GSAP: variants seen among roughly 807,000 people sequenced by gnomAD.
GSAP encodes the protein gamma-secretase-activating protein.
A neutral mutation model predicts 131.7 loss-of-function variants in GSAP; 118 were observed. The observed-to-expected ratio is 0.90, with a 90% CI of 0.77 to 1.04. GSAP has a LOEUF of 1.04. GSAP is among the 50% of genes least tolerant of loss of function. The probability of loss-of-function intolerance (pLI) is 0.00; values close to 1 mark genes in which losing one functional copy is unlikely to be tolerated. For synonymous variants in GSAP, 381 were observed against 363.4 expected (o/e 1.05, Z -0.55); for missense variants, 1,019 against 1,013.2 (o/e 1.01, Z -0.08).
intron 19 of GSAP, among the ~76,000 whole-genome samples, chr7:77,340,784 C>A (rs1429830447): frequency 2.6e-5 from 4 of 152,148 alleles, no homozygotes; most frequent in African/African-American, 9.7e-5. Flanking sequence ...ACCCACATTC[C>A]CTTGGTGGCA....
At chr7:77,367,795 C>G (rs113310756) in intron 12 of GSAP, among the ~76,000 whole-genome samples, 1 of 152,108 alleles carries the variant, frequency 6.6e-6, no homozygotes, top group Non-Finnish European at 1.5e-5. Flanking sequence ...TTTCTTTGTA[C>G]GTCTGGTAGA....
At chr7:77,351,814 C>G in intron 18 of GSAP, 3 of 643,658 alleles carry the variant, frequency 4.7e-6, no homozygotes, top group Non-Finnish European at 5.8e-6. Flanking sequence ...CTCCTGGACA[C>G]TTTGAACACA....
rs1403161886 is a variant in GSAP at position 77,328,441 on chromosome 7, TGGGAA to T, written c.1765+160_1765+164del. 4 of 1,349,794 alleles carry T rather than the reference TGGGAA, an allele frequency of 3.0e-6. No individual in the cohort carries two copies. The East Asian group carries it at 8.4e-5, about 28-fold the overall frequency. The allele number at this position is 1,349,794 out of a possible 1,614,324, so 83.6% of individuals were successfully genotyped here. A position where few individuals can be genotyped will look rare whatever the true frequency, so the allele number is the denominator to read the frequency against. On this transcript the variant is annotated intron_variant, in intron 22 of 30. Coordinates refer to ENST00000257626, the MANE Select transcript of GSAP (RefSeq NM_017439.4). ...GGAGGTCCTGGTGCCTAGACAGACATGGGAAGAGCCGTGCGGCCACTCTAACAGCA... is the reference window on the plus strand; with the variant it reads ...GGAGGTCCTGGTGCCTAGACAGACATGAGCCGTGCGGCCACTCTAACAGCA...
chr7:77,340,699 G>A (rs568942498), intron 19 of GSAP, among the ~76,000 whole-genome samples: 55 of 152,276 alleles, frequency 3.6e-4, no homozygotes, highest in Middle Eastern at 3.4e-3. Context: ...TAATCGCTGC[G>A]GGGACGCCTG....
chr7:77,376,775 C>CAAAAA (rs10649095), intron 10 of GSAP, 73 bp downstream of exon 10: 131 of 453,454 alleles, frequency 2.9e-4, no homozygotes, highest in African/African-American at 1.7e-3. Context: ...GACTCCATCT[C>CAAAAA]AAAAAAAAAA....
intron 1 of GSAP, among the ~76,000 whole-genome samples, 187 bp downstream of exon 1, chr7:77,416,026 A>G (rs1005409195): frequency 6.6e-6 from 1 of 152,132 alleles, no homozygotes; most frequent in Non-Finnish European, 1.5e-5. Flanking sequence ...CTGCCCCCAG[A>G]CCTTCCGCCG....
At chr7:77,320,926 TG>T (rs763317337) in intron 25 of GSAP, 107 bp from the exon 26 acceptor site, 119 of 703,356 alleles carry the variant, frequency 1.7e-4, no homozygotes, top group Non-Finnish European at 2.7e-4. Context: ...ATGCTAATCA[TG>T]AAATGCTATG....
At chr7:77,368,356 T>C (rs182889821) in intron 12 of GSAP, among the ~76,000 whole-genome samples, 1 of 152,344 alleles carries the variant, frequency 6.6e-6, no homozygotes, top group Admixed American at 6.5e-5. Context: ...CATTAGCTGC[T>C]TCTAATCAGC....
rs553701509 is a variant in GSAP, at chr7:77,336,051, G to C, written c.1546-5684C>G. On this transcript the variant is annotated intron_variant, in intron 19 of 30. Transcript: ENST00000257626. ...GAACTCCTGAGGCTGCCCACTTAGG[G>C]AAACGCATGCTGCAATTTCAAGGTC... Among the ~76,000 whole-genome samples the C allele has an allele frequency of 3.9e-5, 6 of 152,348 alleles. No individual in the cohort carries two copies. The South Asian group carries it at 8.3e-4, about 21-fold the overall frequency.
At chr7:77,411,691 C>T (rs941616181) in intron 1 of GSAP, among the ~76,000 whole-genome samples, 6 of 152,134 alleles carry the variant, frequency 3.9e-5, no homozygotes, top group Non-Finnish European at 8.8e-5. Flanking sequence ...CAATTCTCCC[C>T]AAGCTGATCT....
intron 14 of GSAP, 126 bp from the exon 15 acceptor site, chr7:77,355,773 T>A: frequency 1.9e-6 from 1 of 518,738 alleles, no homozygotes; most frequent in Non-Finnish European, 3.4e-6. Context: ...TAATAAGCTA[T>A]CTAATGACAG....
chr7:77,362,945 T>A (rs937838245), intron 12 of GSAP, among the ~76,000 whole-genome samples: 3 of 152,176 alleles, frequency 2.0e-5, no homozygotes, highest in East Asian at 1.9e-4. Context: ...TTCTAGACAG[T>A]TTCCAAAGCT....
intron 9 of GSAP, 140 bp from the exon 10 acceptor site, chr7:77,377,047 T>A: frequency 1.5e-6 from 1 of 668,746 alleles, no homozygotes; most frequent in South Asian, 2.1e-5. Flanking sequence ...CAAAATCAAA[T>A]TGTTCTTATA....
At chr7:77,415,901 C>T in intron 1 of GSAP, 1 of 294,348 alleles carries the variant, frequency 3.4e-6, no homozygotes, top group East Asian at 5.9e-5. Context: ...TCTGCCCTCG[C>T]CGTGAGGTGA....
Position 77,416,211 on chromosome 7 carries a change from A to G in GSAP, c.109+2T>C. On this transcript the variant is annotated splice_donor_variant, in intron 1 of 30. Coordinates refer to ENST00000257626, the MANE Select transcript of GSAP (RefSeq NM_017439.4). LOFTEE classifies it high-confidence loss of function. Reference sequence around the variant, plus strand: ...CCCCTCTCCGCAGCGCGCCTCCCGCACCTGCGCCGCCGCTTCCGGCCCCGC... The same window carrying G: ...CCCCTCTCCGCAGCGCGCCTCCCGCGCCTGCGCCGCCGCTTCCGGCCCCGC... The G allele has an allele frequency of 9.7e-7, 1 of 1,035,838 alleles. No homozygotes were observed. Among genetic ancestry groups the G allele is most frequent in the South Asian group, 1.7e-5 (1 of 57,560 alleles). 64.2% of individuals were successfully genotyped at this position (1,035,838 alleles called of 1,614,324 possible). A position where few individuals can be genotyped will look rare whatever the true frequency, so the allele number is the denominator to read the frequency against.
intron 14 of GSAP, among the ~76,000 whole-genome samples, 158 bp from the exon 15 acceptor site, chr7:77,355,805 TTA>T (rs1491361708): frequency 4.7e-5 from 7 of 148,890 alleles, no homozygotes; most frequent in East Asian, 1.9e-4. Context: ...TTTTTTTTTT[TTA>T]AGACAGGGTC....
chr7:77,395,292 A>C (rs542210669), intron 5 of GSAP, among the ~76,000 whole-genome samples: 20 of 152,284 alleles, frequency 1.3e-4, no homozygotes, highest in African/African-American at 4.8e-4. Context: ...GTTTCTACAC[A>C]GATGCCCACC....
intron 5 of GSAP, among the ~76,000 whole-genome samples, chr7:77,396,204 T>C (rs1800359067): frequency 1.3e-5 from 2 of 152,142 alleles, no homozygotes; most frequent in African/African-American, 4.8e-5. Context: ...TTGAACTTTT[T>C]TTTTTTCGTT....
At chr7:77,377,864 C>A (rs888545601) in intron 8 of GSAP, among the ~76,000 whole-genome samples, 3 of 152,210 alleles carry the variant, frequency 2.0e-5, no homozygotes, top group Non-Finnish European at 2.9e-5. Context: ...ACCAACCATG[C>A]AGCTTTGGGC....
Sources: gnomAD v4.1 joint callset for allele counts (sites outside exome capture counted in the v4.1 genomes callset) on GRCh38, gnomAD v4.1.1 for gene constraint, MANE v1.5 for transcripts, NCBI Gene and HGNC (gene_info 2026-07-23, HGNC 2026-07-21) for gene names.